RARB: variants seen among roughly 807,000 people sequenced by gnomAD.
RARB encodes HBV-activated protein.
In RARB, 17 loss-of-function variants were observed where a neutral mutation model predicts 51.9. The ratio of observed to expected loss-of-function variants is 0.33; its 90% CI spans 0.22 to 0.49. RARB has a LOEUF of 0.49. RARB is among the 20% of genes least tolerant of loss of function. RARB has a pLI of 0.99. For missense variants in RARB, 369 were observed against 550.8 expected (o/e 0.67, Z 3.30); for synonymous variants, 215 against 195.4 (o/e 1.10, Z -0.84).
intron 3 of RARB, among the ~76,000 whole-genome samples, chr3:25,564,989 A>ACCAT (rs1328423298): frequency 3.9e-5 from 6 of 151,970 alleles, no homozygotes; most frequent in Non-Finnish European, 7.4e-5. Flanking sequence ...CTCCCCACCC[A>ACCAT]CCATCCCATA....
chr3:25,209,700 C>T (rs1428633303), intron 5 of RARB, among the ~76,000 whole-genome samples: 1 of 152,144 alleles, frequency 6.6e-6, no homozygotes. Flanking sequence ...CCCTAGCTCT[C>T]CTGCTCCCTG....
chr3:25,188,188 G>A (rs1387525996), intron 5 of RARB, among the ~76,000 whole-genome samples: 2 of 151,990 alleles, frequency 1.3e-5, no homozygotes, highest in Non-Finnish European at 2.9e-5. Flanking sequence ...CTTCATTTCT[G>A]GGTCAGGGAA....
chr3:24,892,405 GCTCAGTTGTTTGCA>G (rs1431190749), intron 2 of RARB, among the ~76,000 whole-genome samples: 1 of 152,058 alleles, frequency 6.6e-6, no homozygotes, highest in Non-Finnish European at 1.5e-5. Flanking sequence ...GGTATAAACT[GCTCAGTTGTTTGCA>G]CCAAGCAGAT....
chr3:25,215,510 C>A lies in RARB; in HGVS notation c.178+40935C>A, dbSNP rs546276656. Among the ~76,000 whole-genome samples the A allele has an allele frequency of 4.6e-5, 7 of 152,236 alleles. No homozygotes were observed. The South Asian group carries it at 1.5e-3, about 32-fold the overall frequency. ...GAGAGAGTGAGCACTCTGGCGGGGT[C>A]ATCTGTATTGCCTCTCCAGACAGGG... On this transcript the variant is annotated intron_variant, in intron 5 of 11. Transcript: ENST00000383772.
At chr3:25,456,553 G>GTTTT (rs1491545401) in intron 1 of RARB, among the ~76,000 whole-genome samples, 9 of 71,992 alleles carry the variant, frequency 1.3e-4, no homozygotes, top group Non-Finnish European at 1.3e-4. Context: ...CTATACCACT[G>GTTTT]ATTTTTTTTT....
At chr3:24,905,478 C>T (rs1291122506) in intron 2 of RARB, among the ~76,000 whole-genome samples, 1 of 152,184 alleles carries the variant, frequency 6.6e-6, no homozygotes, top group Non-Finnish European at 1.5e-5. Context: ...TATTGATGGG[C>T]TGACTCATTC....
At chr3:25,558,722 A>C (rs1411467873) in intron 3 of RARB, among the ~76,000 whole-genome samples, 3 of 151,958 alleles carry the variant, frequency 2.0e-5, no homozygotes, top group Non-Finnish European at 4.4e-5. Flanking sequence ...AACCAAATTC[A>C]TCATATTCCT....
intron 3 of RARB, among the ~76,000 whole-genome samples, chr3:25,065,900 C>T (rs571388677): frequency 5.5e-4 from 84 of 152,146 alleles, no homozygotes; most frequent in Middle Eastern, 3.4e-3. Flanking sequence ...TGTGGTTGTT[C>T]TGTAGATGAC....
intron 1 of RARB, among the ~76,000 whole-genome samples, chr3:24,854,376 C>A (rs762833880): frequency 1.4e-4 from 22 of 152,154 alleles, no homozygotes; most frequent in Non-Finnish European, 2.4e-4. Flanking sequence ...CTGTTATTAA[C>A]AATTAGAAAC....
intron 2 of RARB, among the ~76,000 whole-genome samples, chr3:24,961,138 T>C (rs777918121): frequency 6.6e-6 from 1 of 152,248 alleles, no homozygotes; most frequent in South Asian, 2.1e-4. Flanking sequence ...TTTGCTATTA[T>C]AATTATTAAT....
At chr3:25,158,607 G>A (rs746042306) in intron 4 of RARB, among the ~76,000 whole-genome samples, 3 of 152,018 alleles carry the variant, frequency 2.0e-5, no homozygotes, top group Admixed American at 6.6e-5. Flanking sequence ...AGTCAATAGG[G>A]GCAGAGAAGA....
At chr3:25,187,067 T>C (rs1700996104) in intron 5 of RARB, among the ~76,000 whole-genome samples, 1 of 152,040 alleles carries the variant, frequency 6.6e-6, no homozygotes, top group African/African-American at 2.4e-5. Flanking sequence ...TTCTTGTCTG[T>C]GTCCATGCTT....
At chr3:25,216,586 G>T (rs1285669160) in intron 5 of RARB, among the ~76,000 whole-genome samples, 2 of 152,024 alleles carry the variant, frequency 1.3e-5, no homozygotes, top group Non-Finnish European at 1.5e-5. Flanking sequence ...CCTATTGGGG[G>T]GTGGGGGGTT....
At chr3:25,433,015 T>G (rs1708269534) in intron 1 of RARB, among the ~76,000 whole-genome samples, 1 of 152,216 alleles carries the variant, frequency 6.6e-6, no homozygotes, top group African/African-American at 2.4e-5. Context: ...TTAAATGACA[T>G]TTTTATACTT....
intron 5 of RARB, among the ~76,000 whole-genome samples, chr3:25,201,268 G>T (rs1237489028): frequency 6.6e-6 from 1 of 152,116 alleles, no homozygotes; most frequent in Non-Finnish European, 1.5e-5. Context: ...TGTGATTTTT[G>T]CACATTGATT....
intron 3 of RARB, among the ~76,000 whole-genome samples, chr3:25,100,694 G>T (rs1293523991): frequency 6.6e-6 from 1 of 152,168 alleles, no homozygotes; most frequent in Non-Finnish European, 1.5e-5. Flanking sequence ...CACTAGGCAA[G>T]TGGGAAGGCT....
At chr3:25,479,787 C>T (rs1336342606) in intron 2 of RARB, among the ~76,000 whole-genome samples, 1 of 152,162 alleles carries the variant, frequency 6.6e-6, no homozygotes, top group African/African-American at 2.4e-5. Flanking sequence ...TCTACTGCAT[C>T]TTTCAACCCC....
At chr3:25,332,386 A>G (rs1345507713) in intron 5 of RARB, among the ~76,000 whole-genome samples, 1 of 152,206 alleles carries the variant, frequency 6.6e-6, no homozygotes, top group Admixed American at 6.5e-5. Flanking sequence ...CAAATCAATA[A>G]ACGTAATCCA....
chr3:25,479,182 G>A (rs1696108471), intron 2 of RARB, among the ~76,000 whole-genome samples: 4 of 151,944 alleles, frequency 2.6e-5, no homozygotes. Context: ...GAACTTGGAT[G>A]TGAATTTTCG....
Sources: gnomAD v4.1 joint callset for allele counts (sites outside exome capture counted in the v4.1 genomes callset) on GRCh38, gnomAD v4.1.1 for gene constraint, MANE v1.5 for transcripts, NCBI Gene and HGNC (gene_info 2026-07-23, HGNC 2026-07-21) for gene names.